The following CCDC178 variants were observed in gnomAD, a reference collection of about 807,000 sequenced individuals.
CCDC178 encodes the protein coiled-coil domain containing 178.
CCDC178 carries 126 observed loss-of-function variants against 117.4 expected under a neutral mutation model. The ratio of observed to expected loss-of-function variants is 1.07; its 90% confidence interval spans 0.93 to 1.24. CCDC178 has a LOEUF of 1.24. Among genes scored for constraint, CCDC178 ranks in the 50% most tolerant of loss-of-function variants. The probability of loss-of-function intolerance (pLI) is 0.00; values close to 1 mark genes in which losing one functional copy is unlikely to be tolerated. For synonymous variants in CCDC178, 283 were observed against 313.4 expected (o/e 0.90, Z 1.02); for missense variants, 1,030 against 986.9 (o/e 1.04, Z -0.59).
intron 14 of CCDC178, among the ~76,000 whole-genome samples, chr18:33,250,317 A>G (rs1214571673): frequency 6.6e-6 from 1 of 151,698 alleles, no homozygotes; most frequent in Non-Finnish European, 1.5e-5. Flanking sequence ...CAGTAGAAAA[A>G]CTAAATAATT....
intron 20 of CCDC178, among the ~76,000 whole-genome samples, chr18:33,182,077 G>A (rs1047043860): frequency 6.6e-6 from 1 of 151,772 alleles, no homozygotes; most frequent in African/African-American, 2.4e-5. Context: ...ATGCAAAATA[G>A]CTGACACATA....
At chr18:32,991,957 G>C (rs183758320) in intron 21 of CCDC178, among the ~76,000 whole-genome samples, 1 of 152,028 alleles carries the variant, frequency 6.6e-6, no homozygotes, top group Non-Finnish European at 1.5e-5. Context: ...TTGTGTTTGT[G>C]GTATAAAGTA....
At chr18:32,983,439 T>C (rs2144721096) in intron 21 of CCDC178, 1 of 744,290 alleles carries the variant, frequency 1.3e-6, no homozygotes, top group East Asian at 2.7e-5. Flanking sequence ...AAACAAATAG[T>C]ACAACTGTAG....
At chr18:33,389,062 T>A (rs977830704) in intron 5 of CCDC178, among the ~76,000 whole-genome samples, 2 of 152,042 alleles carry the variant, frequency 1.3e-5, no homozygotes, top group East Asian at 1.9e-4. Flanking sequence ...GGTGATGGAT[T>A]GATAAGTGCA....
intron 22 of CCDC178, among the ~76,000 whole-genome samples, chr18:32,966,392 G>A (rs1425154715): frequency 6.6e-6 from 1 of 151,806 alleles, no homozygotes; most frequent in African/African-American, 2.4e-5. Flanking sequence ...CTGTTACAAG[G>A]CAGAGTTGAG....
chr18:33,133,154 G>A (rs1044375537), intron 20 of CCDC178, among the ~76,000 whole-genome samples: 7 of 151,842 alleles, frequency 4.6e-5, no homozygotes, highest in Admixed American at 3.9e-4. Context: ...GGAATTCAGA[G>A]AGCTCAGATA....
At chr18:33,379,125 A>AAT (rs984649024) in intron 5 of CCDC178, among the ~76,000 whole-genome samples, 32 of 6,796 alleles carry the variant, frequency 4.7e-3, no homozygotes, top group Non-Finnish European at 0.041. Context: ...ATATATATAT[A>AAT]ATATATATAT....
At chr18:33,158,719 G>A (rs1286638972) in intron 20 of CCDC178, among the ~76,000 whole-genome samples, 1 of 152,016 alleles carries the variant, frequency 6.6e-6, no homozygotes, top group Non-Finnish European at 1.5e-5. Flanking sequence ...TTTAGTGAAA[G>A]GAGTAGGAAT....
At chr18:32,942,007 A>G (rs183656354) in intron 22 of CCDC178, among the ~76,000 whole-genome samples, 134 of 152,262 alleles carry the variant, frequency 8.8e-4, no homozygotes, top group Admixed American at 4.4e-3. Context: ...TCTACTCAAA[A>G]CAGGAAGATT....
At chr18:33,098,903 C>A (rs1240456428) in intron 20 of CCDC178, among the ~76,000 whole-genome samples, 1 of 151,870 alleles carries the variant, frequency 6.6e-6, no homozygotes, top group Admixed American at 6.6e-5. Context: ...GTGAAGAATT[C>A]TATTCCAGTT....
At chr18:33,326,381 G>C (rs966889630) in intron 10 of CCDC178, among the ~76,000 whole-genome samples, 1 of 152,148 alleles carries the variant, frequency 6.6e-6, no homozygotes, top group Non-Finnish European at 1.5e-5. Context: ...TTAATCAGCT[G>C]CTCAAGAAAG....
At chr18:33,018,842 A>G (rs1239245439) in intron 21 of CCDC178, among the ~76,000 whole-genome samples, 1 of 152,158 alleles carries the variant, frequency 6.6e-6, no homozygotes, top group Admixed American at 6.5e-5. Flanking sequence ...AATATAAAAA[A>G]AATCATGGAA....
At chr18:33,114,510 C>A (rs1370135505) in intron 20 of CCDC178, among the ~76,000 whole-genome samples, 1 of 151,978 alleles carries the variant, frequency 6.6e-6, no homozygotes, top group Non-Finnish European at 1.5e-5. Context: ...TACTCTATTA[C>A]TAATTAATGG....
At chr18:33,296,063 GCT>G (rs2062102729) in intron 11 of CCDC178, among the ~76,000 whole-genome samples, 1 of 152,018 alleles carries the variant, frequency 6.6e-6, no homozygotes, top group Non-Finnish European at 1.5e-5. Flanking sequence ...ATAGTTTCAA[GCT>G]CTGGTATATC....
At chr18:32,988,100 TAATAATA>T (rs2055303648) in intron 21 of CCDC178, among the ~76,000 whole-genome samples, 1 of 145,694 alleles carries the variant, frequency 6.9e-6, no homozygotes, top group African/African-American at 2.5e-5. Flanking sequence ...ATAATAATAA[TAATAATA>T]ATAATAATAA....
intron 14 of CCDC178, among the ~76,000 whole-genome samples, chr18:33,247,544 T>C (rs1290547385): frequency 6.6e-6 from 1 of 151,886 alleles, no homozygotes; most frequent in East Asian, 1.9e-4. Flanking sequence ...AGTACTAAGG[T>C]ATTTACTCAA....
At chr18:33,437,573 C>G (rs1311288624) in intron 2 of CCDC178, 2 of 152,212 alleles carry the variant, frequency 1.3e-5, no homozygotes, top group East Asian at 3.9e-4. Context: ...AGTAAGTACC[C>G]AGAAAGGGAG....
At chr18:32,989,470 T>C (rs940005817) in intron 21 of CCDC178, among the ~76,000 whole-genome samples, 7 of 152,176 alleles carry the variant, frequency 4.6e-5, no homozygotes, top group African/African-American at 1.4e-4. Flanking sequence ...TGGCAACATT[T>C]TTTTCTGGAA....
chr18:33,367,098 A>AT (rs1293926149), intron 6 of CCDC178, among the ~76,000 whole-genome samples: 4 of 152,054 alleles, frequency 2.6e-5, no homozygotes, highest in South Asian at 4.2e-4. Flanking sequence ...TATTTAAAAA[A>AT]TTTTCTCCAT....
Sources: allele counts gnomAD v4.1 joint callset (sites outside exome capture counted in the v4.1 genomes callset), GRCh38; gene constraint gnomAD v4.1.1; transcripts MANE v1.5; gene names NCBI Gene and HGNC (gene_info 2026-07-23, HGNC 2026-07-21).